SMARCA1: variants seen among roughly 807,000 people sequenced by gnomAD.
SMARCA1 encodes the protein SWI/SNF-related matrix-associated actin-dependent regulator of chromatin subfamily A member 1.
Under a neutral mutation model 93.6 loss-of-function variants are expected in SMARCA1, and 17 were observed. That is an observed-to-expected ratio of 0.18 (90% CI 0.12 to 0.27). SMARCA1 has a LOEUF of 0.27. Ranked by LOEUF, SMARCA1 falls within the 10% of genes least tolerant of loss-of-function variation. The pLI is 1.00. For synonymous variants in SMARCA1, 271 were observed against 271.4 expected (o/e 1.00, Z 0.01); for missense variants, 630 against 819.0 (o/e 0.77, Z 2.82).
intron 23 of SMARCA1, among the ~76,000 whole-genome samples, chrX:129,454,633 T>C (rs944127969): frequency 1.7e-4 from 19 of 111,709 alleles, no homozygotes; most frequent in Admixed American, 8.5e-4. Flanking sequence ...GGGCGAAGGA[T>C]ATGAACAGAC....
chrX:129,464,392 G>C (rs961275434), intron 23 of SMARCA1, among the ~76,000 whole-genome samples: 2 of 112,215 alleles, frequency 1.8e-5, no homozygotes, highest in African/African-American at 6.5e-5. Flanking sequence ...GTTTCTGGTT[G>C]CTTTTAATTT....
Position 129,465,595 on chromosome X carries a change from A to G in SMARCA1, c.2955T>C (p.Tyr985=). 8.3e-7 allele frequency: 1 copy of G among 1,204,978 alleles called. No homozygotes were observed. Among genetic ancestry groups the G allele is most frequent in the South Asian group, 1.8e-5 (1 of 56,670 alleles). ...HKMGFDRENV[Y]EELRQCVRNA... ...TTCGTACACACTGTCTTAATTCTTC[A>G]TATACATTTTCTCTATCAAAGCCCA... The change falls in exon 23 of 25, where the codon TAT becomes TAC. Residue 985 remains tyrosine (Y), a synonymous_variant. Transcript: ENST00000371121.
chrX:129,497,715 A>G (rs942751451), intron 11 of SMARCA1, 130 bp downstream of exon 11: 94 of 465,415 alleles, frequency 2.0e-4, no homozygotes, highest in Non-Finnish European at 6.0e-5. Context: ...CTGTAGGACA[A>G]TTCCTGGCAA....
chrX:129,467,067 T>C (rs1476354484), intron 21 of SMARCA1, among the ~76,000 whole-genome samples: 2 of 112,226 alleles, frequency 1.8e-5, no homozygotes, highest in Admixed American at 1.9e-4. Flanking sequence ...AGCACCTGTG[T>C]TCATTTACTC....
At chrX:129,515,400 T>A (rs1935160320) in intron 5 of SMARCA1, among the ~76,000 whole-genome samples, 1 of 110,174 alleles carries the variant, frequency 9.1e-6, no homozygotes, top group South Asian at 3.9e-4. Context: ...GGTGGGCACG[T>A]GCCTGGAGTC....
intron 1 of SMARCA1, among the ~76,000 whole-genome samples, chrX:129,522,957 C>T (rs866698023): frequency 9.0e-6 from 1 of 111,137 alleles, no homozygotes; most frequent in Middle Eastern, 4.7e-3. Context: ...AGAGCGGGCA[C>T]CCCTCCACCC....
intron 1 of SMARCA1, among the ~76,000 whole-genome samples, chrX:129,521,322 A>G (rs1210522158): frequency 1.8e-5 from 2 of 112,464 alleles, no homozygotes; most frequent in Non-Finnish European, 3.8e-5. Context: ...GCCATGAAGA[A>G]GAGGTTAATC....
At position 129,518,447 on chromosome X, in the gene SMARCA1, T is replaced by G. The variant is rs769482189; in HGVS notation, c.175A>C (p.Lys59Gln). The change falls in exon 2 of 25, where the codon AAA becomes CAA. Residue 59 changes from lysine (K) to glutamine (Q), a missense_variant and splice_region_variant. Physicochemically the swap from Lys to Gln is moderately conservative, Grantham distance 53. This residue lies in a region of SMARCA1 where 103 missense variants were observed against 82.0 expected (regional missense o/e 1.26). Coordinates refer to ENST00000371121, the MANE Select transcript of SMARCA1 (RefSeq NM_001282874.2). ...ATEKGEKKKE[K>Q]NVSSFQLKLA... ...TTGAGTTGAAATGAAGAAACGTTTT[T>G]CTAGAATTTCAAAGAAAATAAATGT... 4.3e-6 allele frequency: 5 copies of G among 1,165,987 alleles called. No individual in the cohort carries two copies. Among genetic ancestry groups the G allele is most frequent in the Middle Eastern group, 2.4e-4 (1 of 4,252 alleles).
intron 15 of SMARCA1, 116 bp from the exon 16 acceptor site, chrX:129,489,201 A>C (rs1236854270): frequency 2.3e-6 from 1 of 430,882 alleles, no homozygotes; most frequent in African/African-American, 2.5e-5. Flanking sequence ...AAGAACAAAA[A>C]ATTAGTGAGC....
In SMARCA1 at chrX:129,516,454, G is replaced by T; in HGVS notation, c.305C>A (p.Thr102Lys). The T allele has an allele frequency of 1.7e-6, 2 of 1,207,788 alleles. No homozygotes were observed. The highest frequency in any genetic ancestry group is 2.2e-6 in the Non-Finnish European group (2 of 893,633). Reference protein sequence around the residue: ...AKRFEFLLKQTELFAHFIQPS... With the variant: ...AKRFEFLLKQKELFAHFIQPS... ...CTGAATGAAATGTGCAAAAAGTTCT[G>T]TCTGCTTCAGTAAAAATTCAAATCT... Residue 102 changes from threonine to lysine, a missense_variant, in exon 3 of 25, where the codon ACA (threonine) becomes AAA (lysine). This residue lies in a region of SMARCA1 where 382 missense variants were observed against 537.9 expected (regional missense o/e 0.71). Coordinates refer to ENST00000371121, the MANE Select transcript of SMARCA1 (RefSeq NM_001282874.2).
At chrX:129,496,647 C>A in intron 12 of SMARCA1, 103 bp downstream of exon 12, 1 of 648,241 alleles carries the variant, frequency 1.5e-6, no homozygotes. Flanking sequence ...ATTCAATGCA[C>A]CCACCTAAAG....
Position 129,453,984 on chromosome X carries a change from G to A in SMARCA1, c.3031-5541C>T, listed in dbSNP as rs141265716. Among the ~76,000 whole-genome samples, 111 of 111,668 alleles carry A rather than the reference G, an allele frequency of 9.9e-4. No individual in the cohort carries two copies. In the East Asian group the frequency reaches 0.024, roughly 25 times the overall value. ...ACCAAAAAAGAGCCCGTATAGCCAA[G>A]ACAATCCTAAACAAAAAGAACAAAG... On this transcript the variant is annotated intron_variant, in intron 23 of 24. Coordinates refer to ENST00000371121, the MANE Select transcript of SMARCA1 (RefSeq NM_001282874.2).
intron 1 of SMARCA1, among the ~76,000 whole-genome samples, chrX:129,522,318 G>GA (rs1327662400): frequency 1.9e-3 from 167 of 86,489 alleles, no homozygotes; most frequent in Admixed American, 2.4e-3. Flanking sequence ...AATTAAAGGA[G>GA]AAAAAAAAAA....
At position 129,481,075 on chromosome X, in the gene SMARCA1, C is replaced by G; in HGVS notation, c.2328G>C (p.Lys776Asn). Residue 776 changes from lysine (K) to asparagine (N), a missense_variant and splice_region_variant, in exon 18 of 25, where the codon AAG becomes AAC. Lys to Asn is a moderately conservative substitution (Grantham distance 94, BLOSUM62 0). Coordinates refer to ENST00000371121, the MANE Select transcript of SMARCA1 (RefSeq NM_001282874.2). ...ALRVSEPKIP[K>N]APRPPKQPNV... ...AAAAACTGGCCTTGTACAGTTTTAC[C>G]TTTGGAATCTTTGGCTCGCTGACAC... is the stretch of plus-strand genomic sequence containing the variant. 2 of 1,169,577 alleles carry G rather than the reference C, an allele frequency of 1.7e-6. No individual in the cohort carries two copies. The highest frequency in any genetic ancestry group is 2.3e-6 in the Non-Finnish European group (2 of 859,987).
intron 14 of SMARCA1, among the ~76,000 whole-genome samples, chrX:129,491,185 T>A (rs1200972026): frequency 8.9e-6 from 1 of 111,982 alleles, no homozygotes. Flanking sequence ...TATACCTCAT[T>A]GGCATATGAC....
chrX:129,486,325 G>T (rs906341942), intron 17 of SMARCA1, among the ~76,000 whole-genome samples: 1 of 110,399 alleles, frequency 9.1e-6, no homozygotes, highest in African/African-American at 3.3e-5. Flanking sequence ...TTAATATTAG[G>T]GGAAGCTGAG....
At chrX:129,475,513 C>T (rs926905479) in intron 19 of SMARCA1, among the ~76,000 whole-genome samples, 12 of 110,495 alleles carry the variant, frequency 1.1e-4, no homozygotes, top group African/African-American at 3.6e-4. Flanking sequence ...AGTGAGACTC[C>T]GTCTCAAAAG....
At chrX:129,498,897 TTG>T (rs1470056341) in intron 10 of SMARCA1, among the ~76,000 whole-genome samples, 1 of 112,414 alleles carries the variant, frequency 8.9e-6, no homozygotes, top group Non-Finnish European at 1.9e-5. Flanking sequence ...TTATGATTCC[TTG>T]TGACTTCCCT....
intron 23 of SMARCA1, among the ~76,000 whole-genome samples, chrX:129,459,060 T>C (rs993193952): frequency 1.8e-5 from 2 of 112,320 alleles, no homozygotes; most frequent in African/African-American, 6.5e-5. Context: ...ATCCTACATT[T>C]CACAAACAAG....
Sources: allele counts gnomAD v4.1 joint callset (sites outside exome capture counted in the v4.1 genomes callset), GRCh38; gene constraint gnomAD v4.1.1; regional missense constraint gnomAD v4.1.1; transcripts MANE v1.5; gene names NCBI Gene and HGNC (gene_info 2026-07-23, HGNC 2026-07-21).